ADGRG7: variants seen among roughly 807,000 people sequenced by gnomAD.
ADGRG7 encodes the protein adhesion G protein-coupled receptor G7, also known as G-protein coupled receptor 128.
In ADGRG7, 82 loss-of-function variants were observed where a neutral mutation model predicts 88.6. The ratio of observed to expected loss-of-function variants is 0.93; its 90% CI spans 0.77 to 1.11. ADGRG7 has a LOEUF of 1.11. Among genes scored for constraint, ADGRG7 ranks in the 50% most tolerant of loss-of-function variants. ADGRG7 has a pLI of 0.00. For missense variants in ADGRG7, 945 were observed against 953.4 expected (o/e 0.99, Z 0.12); for synonymous variants, 381 against 345.2 (o/e 1.10, Z -1.15).
intron 1 of ADGRG7, among the ~76,000 whole-genome samples, chr3:100,618,391 G>C (rs1707257100): frequency 6.6e-6 from 1 of 152,152 alleles, no homozygotes; most frequent in African/African-American, 2.4e-5. Flanking sequence ...ATTAATTTTT[G>C]TATAAGGTAT....
chr3:100,646,150 G>T, intron 9 of ADGRG7, 42 bp downstream of exon 9: 1 of 1,342,928 alleles, frequency 7.4e-7, no homozygotes, highest in Non-Finnish European at 9.9e-7. Flanking sequence ...GTGTCCTCAT[G>T]CTTTCTTTCT....
At chr3:100,624,521 C>A (rs1315986917) in intron 1 of ADGRG7, among the ~76,000 whole-genome samples, 1 of 152,156 alleles carries the variant, frequency 6.6e-6, no homozygotes, top group Non-Finnish European at 1.5e-5. Context: ...TTTTGCTGTG[C>A]AGAAGCTCTT....
intron 1 of ADGRG7, among the ~76,000 whole-genome samples, chr3:100,626,483 CT>C (rs1707382235): frequency 6.6e-6 from 1 of 152,066 alleles, no homozygotes; most frequent in Admixed American, 6.6e-5. Context: ...TTATTTAGAT[CT>C]TTTAAAATTT....
In ADGRG7 at chr3:100,635,792, A is replaced by T; in HGVS notation, c.563A>T (p.Gln188Leu). 1 of 1,613,786 alleles carries T rather than the reference A, an allele frequency of 6.2e-7. No homozygotes were observed. Among genetic ancestry groups the T allele is most frequent in the Non-Finnish European group, 8.5e-7 (1 of 1,179,856 alleles). The change falls in exon 5 of 16, where the codon CAG becomes CTG. Residue 188 changes from glutamine to leucine, a missense_variant. Physicochemically the swap from Gln to Leu is moderately radical, Grantham distance 113. Transcript: ENST00000273352. ...NITSATRVVGQIFNTSRNASP... is the reference protein window; with the variant it reads ...NITSATRVVGLIFNTSRNASP... ...ACTAGTGCTACGCGAGTGGTTGGAC[A>T]GATATTCAACACTTCCAGAAATGCT...
chr3:100,617,611 T>C (rs1313874813), intron 1 of ADGRG7, among the ~76,000 whole-genome samples: 1 of 152,160 alleles, frequency 6.6e-6, no homozygotes, highest in Non-Finnish European at 1.5e-5. Flanking sequence ...ACAATGTCTA[T>C]CATTGTTGGA....
At chr3:100,630,556 G>A (rs1326965084) in intron 2 of ADGRG7, 149 bp from the exon 3 acceptor site, 3 of 379,160 alleles carry the variant, frequency 7.9e-6, no homozygotes, top group Non-Finnish European at 1.4e-5. Context: ...AGATAGCAAA[G>A]TATAGAAGTT....
chr3:100,643,741 T>A lies in ADGRG7; in HGVS notation c.946+108T>A. The A allele has an allele frequency of 5.8e-6, 4 of 691,728 alleles. No homozygotes were observed. In the South Asian group the frequency reaches 8.0e-5, roughly 14 times the overall value. 42.8% of individuals were successfully genotyped at this position (691,728 alleles called of 1,614,324 possible). On this transcript the variant is annotated intron_variant, in intron 8 of 15. Transcript: ENST00000273352. The stretch of plus-strand genomic sequence containing the variant: ...AATGTCTACTTAGTTTCATACTGAG[T>A]AATTTGCATTTGAGTAAGTTTGAGC...
chr3:100,654,470 C>A, intron 11 of ADGRG7: 1 of 168,122 alleles, frequency 5.9e-6, no homozygotes. Context: ...CTGTTGCATC[C>A]CATCAGTTAA....
intron 15 of ADGRG7, among the ~76,000 whole-genome samples, chr3:100,683,960 C>T (rs1174705709): frequency 1.3e-5 from 2 of 152,070 alleles, no homozygotes; most frequent in East Asian, 1.9e-4. Flanking sequence ...TTATACAATT[C>T]AATGCTGCAT....
rs923437627 is a variant in ADGRG7 at position 100,694,680 on chromosome 3, A to T, written c.2137-64A>T. ...GAAGGTTGGGTGGCAGAGTGAAATA[A>T]AATGTCTTCCTTGATACTGTATCTC... On this transcript the variant is annotated intron_variant, in intron 15 of 15. Coordinates refer to ENST00000273352, the MANE Select transcript of ADGRG7 (RefSeq NM_032787.3). 7 of 1,480,046 alleles carry T rather than the reference A, an allele frequency of 4.7e-6. No individual in the cohort carries two copies. The African/African-American group carries it at 5.6e-5, about 12-fold the overall frequency. 91.7% of individuals were successfully genotyped at this position (1,480,046 alleles called of 1,614,324 possible).
intron 1 of ADGRG7, among the ~76,000 whole-genome samples, chr3:100,612,418 C>A (rs1294420088): frequency 6.6e-6 from 1 of 152,132 alleles, no homozygotes; most frequent in Non-Finnish European, 1.5e-5. Flanking sequence ...GAACTCCAGC[C>A]TTTTCACATT....
At chr3:100,638,720 A>T (rs1051623994) in intron 6 of ADGRG7, among the ~76,000 whole-genome samples, 4 of 152,114 alleles carry the variant, frequency 2.6e-5, no homozygotes, top group Admixed American at 2.0e-4. Flanking sequence ...ACATTGAAAA[A>T]AAAGAAAAAG....
intron 11 of ADGRG7, among the ~76,000 whole-genome samples, chr3:100,652,110 A>G (rs2094930347): frequency 6.6e-6 from 1 of 152,072 alleles, no homozygotes; most frequent in Admixed American, 6.5e-5. Flanking sequence ...TTAGATAAAA[A>G]CTAGACTCTA....
At chr3:100,690,733 T>C (rs941217206) in intron 15 of ADGRG7, among the ~76,000 whole-genome samples, 1 of 152,092 alleles carries the variant, frequency 6.6e-6, no homozygotes, top group Non-Finnish European at 1.5e-5. Context: ...CTGGAAGTTT[T>C]GTCTCAGAGG....
chr3:100,649,641 A>T, intron 10 of ADGRG7, 54 bp from the exon 11 acceptor site: 1 of 954,696 alleles, frequency 1.0e-6, no homozygotes. Context: ...GTTGACTTTC[A>T]TTAACACTTC....
chr3:100,632,059 G>T (rs1428487140), intron 3 of ADGRG7, among the ~76,000 whole-genome samples: 1 of 151,872 alleles, frequency 6.6e-6, no homozygotes. Flanking sequence ...GGTAACTATT[G>T]TCTTGATTTT....
At chr3:100,692,833 C>T (rs954878370) in intron 15 of ADGRG7, among the ~76,000 whole-genome samples, 23 of 152,080 alleles carry the variant, frequency 1.5e-4, no homozygotes, top group Admixed American at 3.9e-4. Context: ...GGGCCTCACC[C>T]CTTACCTACT....
Position 100,680,347 on chromosome 3 carries a change from C to T in ADGRG7, c.2136+11242C>T, listed in dbSNP as rs139821631. ...CCATTTGATCTCAATCTATTTGTGCCTTTATATTTTAAGTGTGTATCATGT... is the reference window on the plus strand; with the variant it reads ...CCATTTGATCTCAATCTATTTGTGCTTTTATATTTTAAGTGTGTATCATGT... On this transcript the variant is annotated intron_variant, in intron 15 of 15. Coordinates refer to ENST00000273352, the MANE Select transcript of ADGRG7 (RefSeq NM_032787.3). Among the ~76,000 whole-genome samples, 450 of 151,988 alleles carry T rather than the reference C, an allele frequency of 3.0e-3. 5 individuals are homozygous for T. The highest frequency in any genetic ancestry group is 3.3e-3 in the Non-Finnish European group (223 of 67,922).
At chr3:100,662,529 T>C (rs766887671) in intron 14 of ADGRG7, among the ~76,000 whole-genome samples, 6 of 152,150 alleles carry the variant, frequency 3.9e-5, no homozygotes, top group Non-Finnish European at 7.4e-5. Flanking sequence ...CTCAGCCATT[T>C]TGGAATTTCA....
Sources: gnomAD v4.1 joint callset for allele counts (sites outside exome capture counted in the v4.1 genomes callset) on GRCh38, gnomAD v4.1.1 for gene constraint, MANE v1.5 for transcripts, NCBI Gene and HGNC (gene_info 2026-07-23, HGNC 2026-07-21) for gene names.